UCMA: variants seen among roughly 807,000 people sequenced by gnomAD.
UCMA encodes the protein upper zone of growth plate and cartilage matrix-associated protein.
UCMA carries 21 observed loss-of-function variants against 21.8 expected under a neutral mutation model. The ratio of observed to expected loss-of-function variants is 0.97; its 90% confidence interval spans 0.68 to 1.39. UCMA has a LOEUF of 1.39. UCMA is among the 40% of genes most tolerant of loss of function. The pLI, the probability that UCMA is intolerant of heterozygous loss-of-function variation, is 0.00. For missense variants in UCMA, 193 were observed against 178.9 expected (o/e 1.08, Z -0.45); for synonymous variants, 76 against 67.9 (o/e 1.12, Z -0.58).
At chr10:13,225,106 C>G (rs1188590253) in intron 4 of UCMA, among the ~76,000 whole-genome samples, 2 of 151,988 alleles carry the variant, frequency 1.3e-5, no homozygotes, top group Admixed American at 6.6e-5. Context: ...GTTGCCCAAG[C>G]AGAAGTGCAG....
intron 3 of UCMA, among the ~76,000 whole-genome samples, chr10:13,231,215 C>T (rs562529865): frequency 3.3e-5 from 5 of 152,084 alleles, no homozygotes; most frequent in African/African-American, 4.8e-5. Context: ...AGATTCCAGA[C>T]GTCTGGAATG....
At chr10:13,230,688 G>A (rs1169502774) in intron 3 of UCMA, among the ~76,000 whole-genome samples, 2 of 152,314 alleles carry the variant, frequency 1.3e-5, no homozygotes, top group East Asian at 3.9e-4. Flanking sequence ...GGAAAGTCAT[G>A]GTTCCCTACC....
chr10:13,225,180 A>G (rs1233047551), intron 4 of UCMA, among the ~76,000 whole-genome samples: 1 of 151,896 alleles, frequency 6.6e-6, no homozygotes, highest in African/African-American at 2.4e-5. Context: ...CAGCCTCCCA[A>G]GTTGCTGGGA....
chr10:13,224,427 G>T (rs1026674712), intron 4 of UCMA, among the ~76,000 whole-genome samples: 1 of 150,328 alleles, frequency 6.7e-6, no homozygotes, highest in Non-Finnish European at 1.5e-5. Flanking sequence ...GAAAGGAAAA[G>T]GAAGAAAGAA....
intron 4 of UCMA, among the ~76,000 whole-genome samples, chr10:13,228,084 G>C (rs572047278): frequency 6.6e-6 from 1 of 151,712 alleles, no homozygotes; most frequent in Non-Finnish European, 1.5e-5. Flanking sequence ...TTCTGAGACA[G>C]AGTCTTGCTC....
chr10:13,230,124 G>A (rs1385000381), intron 3 of UCMA, among the ~76,000 whole-genome samples: 3 of 152,242 alleles, frequency 2.0e-5, no homozygotes, highest in East Asian at 3.9e-4. Flanking sequence ...CTAAGCACTG[G>A]AATTAAAAAG....
intron 4 of UCMA, among the ~76,000 whole-genome samples, chr10:13,224,482 C>T (rs1323801040): frequency 6.6e-6 from 1 of 152,140 alleles, no homozygotes; most frequent in African/African-American, 2.4e-5. Context: ...TGTTTTATCA[C>T]ATTTTTAAGA....
At position 13,234,244 on chromosome 10, in the gene UCMA, C is replaced by T; in HGVS notation, c.15G>A (p.Gln5=). Residue 5 remains glutamine, a synonymous_variant, in exon 1 of 5, where the codon CAG becomes CAA. Transcript: ENST00000378681. ...CGGAGAAGCAAGACAGCAGGACGGC[C>T]TGTCTCCAAGTCATCTTTGCAGAGG... The part of the protein sequence containing the change: MTWR[Q]AVLLSCFSAV... 1.2e-6 allele frequency: 2 copies of T among 1,613,912 alleles called. No individual in the cohort carries two copies. Among genetic ancestry groups the T allele is most frequent in the Non-Finnish European group, 1.7e-6 (2 of 1,179,970 alleles).
At position 13,234,228 on chromosome 10, in the gene UCMA, A is replaced by G. The variant is rs539203874; in HGVS notation, c.31T>C (p.Cys11Arg). The G allele has an allele frequency of 8.1e-6, 13 of 1,613,790 alleles. No individual in the cohort carries two copies. The East Asian group carries it at 2.5e-4, about 30-fold the overall frequency. The change falls in exon 1 of 5, where the codon TGC (cysteine) becomes CGC (arginine). Residue 11 changes from cysteine to arginine, a missense_variant. By Grantham distance (180) the Cys-to-Arg change is radical (BLOSUM62 -3). Transcript: ENST00000378681. MTWRQAVLLS[C>R]FSAVVLLSML... Reference sequence around the variant, plus strand: ...GACAGGAGCACCACGGCGGAGAAGCAAGACAGCAGGACGGCCTGTCTCCAA... The same window carrying G: ...GACAGGAGCACCACGGCGGAGAAGCGAGACAGCAGGACGGCCTGTCTCCAA...
chr10:13,229,060 T>C (rs1266228799), intron 4 of UCMA, among the ~76,000 whole-genome samples: 1 of 152,000 alleles, frequency 6.6e-6, no homozygotes, highest in Non-Finnish European at 1.5e-5. Context: ...CTCAGCCTCC[T>C]GAGTAGCTGG....
At position 13,228,217 on chromosome 10, in the gene UCMA, G is replaced by A. The variant is rs188976293; in HGVS notation, c.319+1394C>T. Reference sequence around the variant, plus strand: ...TGAGACTACAGGTGTGCACCATCACGCCTGGCTAATTTTTAATTATTTTTA... The same window carrying A: ...TGAGACTACAGGTGTGCACCATCACACCTGGCTAATTTTTAATTATTTTTA... On this transcript the variant is annotated intron_variant, in intron 4 of 4. Transcript: ENST00000378681. Among the ~76,000 whole-genome samples the A allele has an allele frequency of 4.7e-3, 710 of 152,036 alleles. 5 individuals are homozygous for A. Among genetic ancestry groups the A allele is most frequent in the Non-Finnish European group, 7.7e-3 (526 of 67,992 alleles).
intron 3 of UCMA, 75 bp from the exon 4 acceptor site, chr10:13,229,784 G>A: frequency 3.2e-6 from 4 of 1,244,376 alleles, no homozygotes; most frequent in Non-Finnish European, 4.6e-6. Flanking sequence ...GGGGAGCACA[G>A]TTCATCTGAG....
At chr10:13,232,130 C>A (rs1221509470) in intron 3 of UCMA, among the ~76,000 whole-genome samples, 1 of 143,388 alleles carries the variant, frequency 7.0e-6, no homozygotes, top group East Asian at 2.3e-4. Context: ...TCTCAGCACT[C>A]TAAGAGGCCG....
chr10:13,232,524 A>G (rs1041284235), intron 3 of UCMA, among the ~76,000 whole-genome samples: 4 of 151,886 alleles, frequency 2.6e-5, no homozygotes, highest in Non-Finnish European at 4.4e-5. Context: ...GCTTCTTGAC[A>G]TTGGCCAACT....
chr10:13,228,868 G>C (rs1049085703), intron 4 of UCMA, among the ~76,000 whole-genome samples: 5 of 151,928 alleles, frequency 3.3e-5, no homozygotes, highest in Non-Finnish European at 7.4e-5. Context: ...TGGGAATAAG[G>C]GTATTCTGTC....
rs1032797579 is a variant in UCMA at position 13,227,723 on chromosome 10, A to G, written c.319+1888T>C. Among the ~76,000 whole-genome samples the G allele has an allele frequency of 3.0e-4, 42 of 138,612 alleles. 2 individuals carry two copies. Among genetic ancestry groups the G allele is most frequent in the African/African-American group, 1.1e-3 (42 of 37,122 alleles). The allele number at this position is 138,612 out of a possible 152,430, so 90.9% of individuals were successfully genotyped here. On this transcript the variant is annotated intron_variant, in intron 4 of 4. Transcript: ENST00000378681. ...CAGAATGAGACTGTCTCAAAAAAAA[A>G]AAAAAAAAAGGAAAGGAAATACACA...
chr10:13,229,573 C>T, intron 4 of UCMA, 38 bp downstream of exon 4: 2 of 1,573,088 alleles, frequency 1.3e-6, no homozygotes, highest in Non-Finnish European at 1.7e-6. Context: ...CTCCCCAACG[C>T]TCCACCTCCC....
chr10:13,224,673 C>T (rs1436202784), intron 4 of UCMA, among the ~76,000 whole-genome samples: 1 of 152,200 alleles, frequency 6.6e-6, no homozygotes, highest in Non-Finnish European at 1.5e-5. Context: ...CGATGGCCAA[C>T]AGGACCGCCT....
At chr10:13,230,044 A>T (rs1834878176) in intron 3 of UCMA, among the ~76,000 whole-genome samples, 1 of 152,234 alleles carries the variant, frequency 6.6e-6, no homozygotes, top group Non-Finnish European at 1.5e-5. Flanking sequence ...CAAATTCCCT[A>T]AAGGAATAAT....
Sources: gnomAD v4.1 joint callset for allele counts (sites outside exome capture counted in the v4.1 genomes callset) on GRCh38, gnomAD v4.1.1 for gene constraint, MANE v1.5 for transcripts, NCBI Gene and HGNC (gene_info 2026-07-23, HGNC 2026-07-21) for gene names.